DOCK1: variants seen among roughly 807,000 people sequenced by gnomAD.
DOCK1 encodes the protein dedicator of cytokinesis protein 1.
DOCK1 carries 138 observed loss-of-function variants against 262.7 expected under a neutral mutation model. The ratio of observed to expected loss-of-function variants is 0.53; its 90% CI spans 0.46 to 0.61. DOCK1 has a LOEUF of 0.61. DOCK1 is among the 20% of genes least tolerant of loss of function. DOCK1 has a pLI of 0.00. For missense variants in DOCK1, 1,908 were observed against 2,370.7 expected (o/e 0.80, Z 4.05); for synonymous variants, 866 against 867.4 (o/e 1.00, Z 0.03).
intron 49 of DOCK1, among the ~76,000 whole-genome samples, chr10:127,441,625 G>C (rs1364490480): frequency 6.6e-6 from 1 of 152,156 alleles, no homozygotes; most frequent in African/African-American, 2.4e-5. Flanking sequence ...CGCAGGAGGG[G>C]AGGTGCGGGG....
chr10:127,072,517 A>G (rs954863871), intron 23 of DOCK1, among the ~76,000 whole-genome samples: 1 of 152,234 alleles, frequency 6.6e-6, no homozygotes, highest in African/African-American at 2.4e-5. Flanking sequence ...GACAAGGTAT[A>G]TCGGGGCATT....
chr10:127,443,001 A>T (rs1056178832), intron 49 of DOCK1, among the ~76,000 whole-genome samples: 1 of 151,942 alleles, frequency 6.6e-6, no homozygotes, highest in Non-Finnish European at 1.5e-5. Context: ...AACCCCAGAA[A>T]CTCATTGTCT....
chr10:127,397,192 C>T (rs1285266644), intron 38 of DOCK1, among the ~76,000 whole-genome samples: 9 of 116,736 alleles, frequency 7.7e-5, no homozygotes, highest in Admixed American at 8.8e-5. Context: ...ACACGGGCAG[C>T]GTCTCCTGTG....
chr10:127,105,647 A>G (rs564688790), intron 23 of DOCK1, among the ~76,000 whole-genome samples: 4 of 152,336 alleles, frequency 2.6e-5, no homozygotes, highest in Non-Finnish European at 5.9e-5. Flanking sequence ...AGCACACAGT[A>G]TAGGCACTTA....
intron 27 of DOCK1, among the ~76,000 whole-genome samples, chr10:127,140,617 C>G (rs1386736603): frequency 6.6e-6 from 1 of 152,084 alleles, no homozygotes; most frequent in African/African-American, 2.4e-5. Flanking sequence ...CACCAAGTCT[C>G]TCGGTTGAGT....
chr10:127,244,295 T>G (rs1282957525), intron 27 of DOCK1, among the ~76,000 whole-genome samples: 1 of 152,200 alleles, frequency 6.6e-6, no homozygotes, highest in Admixed American at 6.5e-5. Context: ...CTACAAAATA[T>G]CATATTATTT....
intron 23 of DOCK1, among the ~76,000 whole-genome samples, chr10:127,104,482 GTACTGTGT>G (rs1171612843): frequency 6.6e-6 from 1 of 152,146 alleles, no homozygotes; most frequent in East Asian, 1.9e-4. Context: ...TTTGCTCATG[GTACTGTGT>G]ACCTTTGTTA....
rs1316334008 is a variant in DOCK1 at position 126,948,963 on chromosome 10, C to A, written c.47-21739C>A. The stretch of plus-strand genomic sequence containing the variant: ...CCCCGCAAGCTGGGCTTTCAGAATC[C>A]CTTTCAGTGGCCCGGGCCCACCCCC... On this transcript the variant is annotated intron_variant, in intron 1 of 51. Transcript: ENST00000623213. 3.9e-5 allele frequency among the ~76,000 whole-genome samples: 6 copies of A among 152,184 alleles called. 1 individual carries two copies. In the South Asian group the frequency reaches 1.2e-3, roughly 32 times the overall value.
intron 1 of DOCK1, among the ~76,000 whole-genome samples, chr10:126,906,621 C>T (rs7068373): frequency 0.64 from 97,593 of 152,100 alleles, 33,574 homozygotes; most frequent in South Asian, 0.79. Context: ...AGGCTGTGTC[C>T]TCCAAGGGCA....
chr10:127,424,543 G>C (rs75161574), intron 46 of DOCK1, among the ~76,000 whole-genome samples: 8,003 of 152,208 alleles, frequency 0.053, 338 homozygotes, highest in Non-Finnish European at 0.075. Context: ...TTTGCATCCA[G>C]AGAGAGACCC....
At chr10:127,036,998 G>T (rs114413478) in intron 18 of DOCK1, among the ~76,000 whole-genome samples, 1 of 109,320 alleles carries the variant, frequency 9.1e-6, no homozygotes, top group Non-Finnish European at 1.9e-5. Flanking sequence ...AAAAAAAAAA[G>T]AAAAAGAATA....
At chr10:127,228,855 T>C (rs1444138768) in intron 27 of DOCK1, among the ~76,000 whole-genome samples, 2 of 152,232 alleles carry the variant, frequency 1.3e-5, no homozygotes, top group Non-Finnish European at 2.9e-5. Flanking sequence ...GATGTATGCT[T>C]ACATTGTGGA....
intron 29 of DOCK1, among the ~76,000 whole-genome samples, chr10:127,327,469 C>T (rs1022687300): frequency 1.3e-5 from 2 of 152,212 alleles, no homozygotes; most frequent in African/African-American, 4.8e-5. Flanking sequence ...CCTCACCTCT[C>T]TCAGCCTTCC....
Position 126,939,060 on chromosome 10 carries a change from G to A in DOCK1, c.47-31642G>A, listed in dbSNP as rs1444274957. ...AACACGGTGGGGGGATGAACACCGG[G>A]GGGGGGACGAACACCGGAGGGGACG... is the stretch of plus-strand genomic sequence containing the variant. On this transcript the variant is annotated intron_variant, in intron 1 of 51. Coordinates refer to ENST00000623213, the MANE Select transcript of DOCK1 (RefSeq NM_001290223.2). Among the ~76,000 whole-genome samples the A allele has an allele frequency of 1.2e-4, 16 of 135,756 alleles. No individual in the cohort carries two copies. The East Asian group carries it at 1.4e-3, about 12-fold the overall frequency. The allele number at this position is 135,756 out of a possible 152,430, so 89.1% of individuals were successfully genotyped here.
At chr10:127,255,485 C>A (rs910760088) in intron 28 of DOCK1, among the ~76,000 whole-genome samples, 2 of 152,182 alleles carry the variant, frequency 1.3e-5, no homozygotes, top group African/African-American at 4.8e-5. Context: ...CCCTTGTTGA[C>A]TTGGAGACCC....
intron 30 of DOCK1, among the ~76,000 whole-genome samples, chr10:127,340,079 T>A (rs1043287044): frequency 1.3e-5 from 2 of 152,210 alleles, no homozygotes; most frequent in African/African-American, 4.8e-5. Flanking sequence ...TATAATTTTT[T>A]AATTTTAAGT....
intron 27 of DOCK1, among the ~76,000 whole-genome samples, chr10:127,184,014 C>T (rs1007522898): frequency 3.9e-5 from 6 of 152,132 alleles, no homozygotes; most frequent in African/African-American, 1.4e-4. Flanking sequence ...TCTCTTTGTG[C>T]ATGAAAAACT....
intron 1 of DOCK1, among the ~76,000 whole-genome samples, chr10:126,937,127 A>G (rs2034606069): frequency 6.6e-6 from 1 of 152,214 alleles, no homozygotes; most frequent in African/African-American, 2.4e-5. Context: ...CTTAGTTTAA[A>G]GCCCTAATGG....
At chr10:127,339,473 A>G (rs923990097) in intron 30 of DOCK1, among the ~76,000 whole-genome samples, 1 of 152,106 alleles carries the variant, frequency 6.6e-6, no homozygotes, top group African/African-American at 2.4e-5. Flanking sequence ...GCTTGCTTTT[A>G]TAACTCTGTG....
Sources: gnomAD v4.1 joint callset for allele counts (sites outside exome capture counted in the v4.1 genomes callset) on GRCh38, gnomAD v4.1.1 for gene constraint, MANE v1.5 for transcripts, NCBI Gene and HGNC (gene_info 2026-07-23, HGNC 2026-07-21) for gene names.